SUPT3H: variants seen among roughly 807,000 people sequenced by gnomAD.
The protein encoded by SUPT3H is SPT3 homolog, SAGA and STAGA complex component.
Under a neutral mutation model 44.3 loss-of-function variants are expected in SUPT3H, and 44 were observed. The observed-to-expected ratio is 0.99, with a 90% CI of 0.78 to 1.28. The LOEUF (loss-of-function observed/expected upper bound fraction) is 1.28. Ranked by LOEUF, SUPT3H falls within the 50% of genes most tolerant of loss-of-function variation. The probability of loss-of-function intolerance (pLI) is 0.00; values close to 1 mark genes in which losing one functional copy is unlikely to be tolerated. For synonymous variants in SUPT3H, 124 were observed against 125.6 expected, an observed-to-expected ratio of 0.99 and a Z score of 0.09; for missense variants, 380 against 387.1, an observed-to-expected ratio of 0.98 and a Z score of 0.15.
intron 2 of SUPT3H, among the ~76,000 whole-genome samples, chr6:45,220,581 C>T (rs537553293): frequency 6.6e-6 from 1 of 152,270 alleles, no homozygotes; most frequent in East Asian, 1.9e-4. Flanking sequence ...GCTAGTACAC[C>T]ACCATAAGAA....
chr6:45,037,343 CA>C (rs1300884824), intron 3 of SUPT3H, among the ~76,000 whole-genome samples: 5 of 151,480 alleles, frequency 3.3e-5, no homozygotes, highest in Non-Finnish European at 5.9e-5. Context: ...AGTAGATGAA[CA>C]TAATGATAAG....
chr6:45,165,035 C>A (rs1416132129), intron 2 of SUPT3H, among the ~76,000 whole-genome samples: 3 of 151,914 alleles, frequency 2.0e-5, no homozygotes, highest in African/African-American at 7.2e-5. Context: ...TATGCAGGGC[C>A]CACCTAAGAT....
intron 10 of SUPT3H, among the ~76,000 whole-genome samples, chr6:44,897,256 G>A (rs954176026): frequency 9.2e-5 from 14 of 152,144 alleles, no homozygotes; most frequent in Admixed American, 6.5e-4. Context: ...CAACTCTTTC[G>A]ACAGAATATC....
intron 2 of SUPT3H, among the ~76,000 whole-genome samples, chr6:45,128,081 G>C (rs1562512726): frequency 1.3e-5 from 2 of 152,024 alleles, no homozygotes; most frequent in African/African-American, 4.8e-5. Flanking sequence ...TACTTTGTCT[G>C]ATATTAATAT....
intron 10 of SUPT3H, among the ~76,000 whole-genome samples, chr6:44,910,057 C>T (rs1766767427): frequency 1.3e-5 from 2 of 152,112 alleles, no homozygotes; most frequent in South Asian, 4.1e-4. Flanking sequence ...GGCTGCAGTT[C>T]CCTCTGCTCA....
chr6:45,150,989 G>A (rs1008623642), intron 2 of SUPT3H, among the ~76,000 whole-genome samples: 1 of 152,024 alleles, frequency 6.6e-6, no homozygotes, highest in Non-Finnish European at 1.5e-5. Flanking sequence ...CCAAAGTGCT[G>A]GGATTACAGG....
At chr6:44,850,822 T>C (rs1051734986) in intron 10 of SUPT3H, among the ~76,000 whole-genome samples, 3 of 152,008 alleles carry the variant, frequency 2.0e-5, no homozygotes, top group Non-Finnish European at 2.9e-5. Context: ...TACAAACATA[T>C]ATAGATGCTA....
chr6:45,034,363 G>A (rs1787374438), intron 3 of SUPT3H, among the ~76,000 whole-genome samples: 1 of 151,948 alleles, frequency 6.6e-6, no homozygotes, highest in Non-Finnish European at 1.5e-5. Flanking sequence ...GATCCAAAGA[G>A]ACTAGCCTCC....
intron 1 of SUPT3H, among the ~76,000 whole-genome samples, chr6:45,367,874 T>C (rs771998609): frequency 5.3e-5 from 8 of 152,184 alleles, no homozygotes; most frequent in Non-Finnish European, 1.2e-4. Context: ...GAATAACATT[T>C]TTCTTGACAT....
intron 2 of SUPT3H, among the ~76,000 whole-genome samples, chr6:45,292,212 A>G (rs1242682241): frequency 6.6e-6 from 1 of 152,184 alleles, no homozygotes; most frequent in Non-Finnish European, 1.5e-5. Flanking sequence ...AAAGAAAGAT[A>G]CAGTCTTTTT....
At chr6:44,966,075 T>TA (rs200388563) in intron 6 of SUPT3H, among the ~76,000 whole-genome samples, 3,319 of 152,202 alleles carry the variant, frequency 0.022, 124 homozygotes, top group African/African-American at 0.075. Flanking sequence ...AAAAATCCAT[T>TA]AAAAAAATCA....
At chr6:45,271,653 T>C (rs1776181219) in intron 2 of SUPT3H, among the ~76,000 whole-genome samples, 2 of 152,036 alleles carry the variant, frequency 1.3e-5, no homozygotes, top group Non-Finnish European at 2.9e-5. Flanking sequence ...AAGGAAAATG[T>C]GTGGTTGGAG....
At chr6:44,921,553 T>C (rs140370653) in intron 10 of SUPT3H, among the ~76,000 whole-genome samples, 90 of 152,362 alleles carry the variant, frequency 5.9e-4, no homozygotes, top group African/African-American at 2.0e-3. Context: ...AAGCACAGTG[T>C]AGAAACCAAG....
At chr6:45,340,639 A>T (rs993628746) in intron 2 of SUPT3H, among the ~76,000 whole-genome samples, 1 of 151,978 alleles carries the variant, frequency 6.6e-6, no homozygotes, top group Non-Finnish European at 1.5e-5. Flanking sequence ...GTCGAGTTTG[A>T]TCAGAAAAAA....
At chr6:45,211,285 T>C (rs565286116) in intron 2 of SUPT3H, among the ~76,000 whole-genome samples, 47 of 152,136 alleles carry the variant, frequency 3.1e-4, no homozygotes, top group Admixed American at 2.0e-3. Flanking sequence ...TAAGGTGAAG[T>C]TGTAACAGTA....
chr6:44,867,625 C>T (rs1775713569), intron 10 of SUPT3H, among the ~76,000 whole-genome samples: 1 of 152,082 alleles, frequency 6.6e-6, no homozygotes, highest in African/African-American at 2.4e-5. Context: ...TCACAGCCTA[C>T]ATGTGCAAGT....
intron 2 of SUPT3H, among the ~76,000 whole-genome samples, chr6:45,198,890 A>G (rs1426811914): frequency 6.6e-6 from 1 of 151,324 alleles, no homozygotes; most frequent in African/African-American, 2.4e-5. Context: ...ATATGAAACT[A>G]AATCATGTAA....
chr6:45,249,216 TTTCA>T (rs1385946833), intron 2 of SUPT3H, among the ~76,000 whole-genome samples: 1 of 152,206 alleles, frequency 6.6e-6, no homozygotes, highest in Non-Finnish European at 1.5e-5. Flanking sequence ...TGATTTACTA[TTTCA>T]TTCAGAGATT....
chr6:45,181,594 T>C (rs928651858), intron 2 of SUPT3H, among the ~76,000 whole-genome samples: 4 of 151,680 alleles, frequency 2.6e-5, no homozygotes, highest in Admixed American at 6.6e-5. Context: ...GAAATCATCA[T>C]TCTCAGTAAA....
Sources: gnomAD v4.1 joint callset for allele counts (sites outside exome capture counted in the v4.1 genomes callset) on GRCh38, gnomAD v4.1.1 for gene constraint, MANE v1.5 for transcripts, NCBI Gene and HGNC (gene_info 2026-07-23, HGNC 2026-07-21) for gene names.